Variants in SPATS2 observed in about 807,000 individuals in gnomAD.
The protein encoded by SPATS2 is spermatogenesis associated serine rich 2.
A neutral mutation model predicts 63.7 loss-of-function variants in SPATS2; 38 were observed. That is an observed-to-expected ratio of 0.60 (90% CI 0.46 to 0.78). The LOEUF (loss-of-function observed/expected upper bound fraction) is 0.78. Ranked by LOEUF, SPATS2 falls within the 30% of genes least tolerant of loss-of-function variation. The pLI is 0.00. For missense variants in SPATS2, 588 were observed against 666.2 expected, an observed-to-expected ratio of 0.88 and a Z score of 1.29; for synonymous variants, 207 against 232.9, an observed-to-expected ratio of 0.89 and a Z score of 1.01.
intron 2 of SPATS2, among the ~76,000 whole-genome samples, chr12:49,389,248 A>G (rs1944375342): frequency 6.6e-6 from 1 of 152,098 alleles, no homozygotes; most frequent in African/African-American, 2.4e-5. Flanking sequence ...GAGGAAGGAA[A>G]TCTCGCAAGG....
At chr12:49,497,540 G>A (rs185293807) in intron 8 of SPATS2, among the ~76,000 whole-genome samples, 4 of 151,980 alleles carry the variant, frequency 2.6e-5, no homozygotes, top group Admixed American at 6.6e-5. Flanking sequence ...GACTACAGGC[G>A]AGTGCCACCA....
rs777029715 is a variant in SPATS2 at position 49,524,715 on chromosome 12, C to T, written c.1145C>T (p.Ser382Phe). ...CCAAAGAACAGCTATTCGACCAGAT[C>T]CCGATGTAGCTCAGTTACATCTGTG... ...SHPKNSYSTR[S>F]RCSSVTSVSL... Residue 382 changes from serine (S) to phenylalanine (F), a missense_variant, in exon 13 of 14, where the codon TCC becomes TTC. Physicochemically the swap from Ser to Phe is radical, Grantham distance 155 (BLOSUM62 -2). Coordinates refer to ENST00000552918, the MANE Select transcript of SPATS2 (RefSeq NM_023071.4). The T allele has an allele frequency of 9.9e-6, 16 of 1,614,210 alleles. No homozygotes were observed. In the South Asian group the frequency reaches 1.8e-4, roughly 18 times the overall value.
chr12:49,478,781 T>A (rs540119473), intron 3 of SPATS2, among the ~76,000 whole-genome samples: 309 of 152,228 alleles, frequency 2.0e-3, no homozygotes, highest in African/African-American at 7.2e-3. Flanking sequence ...ATCTTTGGAG[T>A]GTCACTTTTC....
At chr12:49,462,728 C>T (rs1945843666) in intron 3 of SPATS2, 2 of 469,084 alleles carry the variant, frequency 4.3e-6, no homozygotes, top group Non-Finnish European at 7.6e-6. Context: ...GATAATCTTT[C>T]CCTGAAGTCC....
Position 49,516,162 on chromosome 12 carries a change from AAAAAATATATATATAT to A in SPATS2, c.898+1551_898+1566del, listed in dbSNP as rs1157812750. On this transcript the variant is annotated intron_variant, in intron 10 of 13. Transcript: ENST00000552918. The stretch of plus-strand genomic sequence containing the variant: ...TCAAAAAAAAAAAAAAAAAAAAAAA[AAAAAATATATATATAT>A]ATATATATATATATATATATATATA... Among the ~76,000 whole-genome samples, 54 of 25,102 alleles carry A rather than the reference AAAAAATATATATATAT, an allele frequency of 2.2e-3. 2 individuals carry two copies. Among genetic ancestry groups the A allele is most frequent in the African/African-American group, 0.015 (51 of 3,422 alleles). 16.5% of individuals were successfully genotyped at this position (25,102 alleles called of 152,430 possible).
chr12:49,398,103 T>C (rs943667605), intron 2 of SPATS2, among the ~76,000 whole-genome samples: 2 of 115,666 alleles, frequency 1.7e-5, no homozygotes, highest in Non-Finnish European at 3.2e-5. Context: ...GCCACTGCAC[T>C]CCAGCCTGGG....
chr12:49,506,921 C>T (rs1011066218), intron 9 of SPATS2, among the ~76,000 whole-genome samples: 78 of 152,034 alleles, frequency 5.1e-4, no homozygotes, highest in Non-Finnish European at 1.1e-3. Flanking sequence ...GTATTGTTTC[C>T]TCTTCAGCTT....
chr12:49,504,770 C>CTTTTTT (rs745453843), intron 9 of SPATS2, among the ~76,000 whole-genome samples: 9 of 98,832 alleles, frequency 9.1e-5, no homozygotes, highest in Non-Finnish European at 8.2e-5. Context: ...TTCTTTCTTT[C>CTTTTTT]TTTTTTTTTT....
chr12:49,491,767 T>C (rs1163586679), intron 6 of SPATS2, among the ~76,000 whole-genome samples: 1 of 152,208 alleles, frequency 6.6e-6, no homozygotes, highest in Non-Finnish European at 1.5e-5. Flanking sequence ...GCCTAACATA[T>C]TAGTTCTCGT....
At position 49,519,165 on chromosome 12, in the gene SPATS2, C is replaced by T. The variant is rs1176287299; in HGVS notation, c.991C>T (p.Leu331Phe). ...AATGTCAGAGCAGCAATTGGTTGAGCTCAGAGCTGATATCAAGGTAAAACT... is the reference window on the plus strand; with the variant it reads ...AATGTCAGAGCAGCAATTGGTTGAGTTCAGAGCTGATATCAAGGTAAAACT... ...VQMSEQQLVELRADIKHFVSE... is the reference protein window; with the variant it reads ...VQMSEQQLVEFRADIKHFVSE... Residue 331 changes from leucine (L) to phenylalanine (F), a missense_variant, in exon 11 of 14, where the codon CTC (leucine) becomes TTC (phenylalanine). Leu to Phe is a conservative substitution (Grantham distance 22). Transcript: ENST00000552918. The T allele has an allele frequency of 6.2e-7, 1 of 1,613,706 alleles. No individual in the cohort carries two copies. Among genetic ancestry groups the T allele is most frequent in the South Asian group, 1.1e-5 (1 of 90,988 alleles).
intron 2 of SPATS2, among the ~76,000 whole-genome samples, chr12:49,408,377 C>T (rs183929847): frequency 4.0e-5 from 6 of 151,856 alleles, no homozygotes; most frequent in African/African-American, 9.7e-5. Flanking sequence ...CTCAGTCTCC[C>T]GAGTAGCTGG....
chr12:49,476,834 G>A (rs1317807254), intron 3 of SPATS2, among the ~76,000 whole-genome samples: 1 of 152,184 alleles, frequency 6.6e-6, no homozygotes, highest in South Asian at 2.1e-4. Context: ...GGCTGGGCGC[G>A]GTGGCTCACG....
intron 3 of SPATS2, chr12:49,462,192 TATC>T (rs1945832262): frequency 1.6e-6 from 1 of 632,884 alleles, no homozygotes; most frequent in Non-Finnish European, 2.9e-6. Flanking sequence ...AGAAAAAAAG[TATC>T]ATTGTGAAGC....
chr12:49,374,147 TG>T (rs1944051073), intron 2 of SPATS2, among the ~76,000 whole-genome samples: 1 of 152,150 alleles, frequency 6.6e-6, no homozygotes, highest in Non-Finnish European at 1.5e-5. Context: ...TTATTTTTTT[TG>T]GAAACAGGGT....
At chr12:49,434,242 C>T (rs139528865) in intron 2 of SPATS2, among the ~76,000 whole-genome samples, 1 of 152,154 alleles carries the variant, frequency 6.6e-6, no homozygotes, top group African/African-American at 2.4e-5. Flanking sequence ...TTTTCTTTTT[C>T]AAGATTGGTT....
intron 2 of SPATS2, among the ~76,000 whole-genome samples, chr12:49,450,579 T>A (rs1444313441): frequency 6.6e-6 from 1 of 151,930 alleles, no homozygotes; most frequent in Non-Finnish European, 1.5e-5. Context: ...GTTTCACTCT[T>A]GTTGCCCAGG....
At chr12:49,506,007 A>T (rs1430792895) in intron 9 of SPATS2, among the ~76,000 whole-genome samples, 1 of 126,658 alleles carries the variant, frequency 7.9e-6, no homozygotes, top group Admixed American at 7.5e-5. Flanking sequence ...TTGTATACCC[A>T]TACAACCATT....
At chr12:49,519,861 G>GGA (rs1290464260) in intron 11 of SPATS2, among the ~76,000 whole-genome samples, 1 of 150,448 alleles carries the variant, frequency 6.6e-6, no homozygotes, top group African/African-American at 2.5e-5. Flanking sequence ...CACCCAGGCT[G>GGA]GAGTGCAATG....
intron 3 of SPATS2, chr12:49,462,364 G>A (rs1295722450): frequency 1.4e-6 from 1 of 702,422 alleles, no homozygotes. Context: ...GGTGAACTCT[G>A]TGTGGGCCCC....
Sources: gnomAD v4.1 joint callset for allele counts (sites outside exome capture counted in the v4.1 genomes callset) on GRCh38, gnomAD v4.1.1 for gene constraint, MANE v1.5 for transcripts, NCBI Gene and HGNC (gene_info 2026-07-23, HGNC 2026-07-21) for gene names.